Variants in RYR2 observed in about 807,000 individuals in gnomAD.
RYR2 encodes the protein cardiac muscle ryanodine receptor-calcium release channel.
RYR2 carries 227 observed loss-of-function variants against 601.1 expected under a neutral mutation model. That is an observed-to-expected ratio of 0.38 (90% CI 0.34 to 0.42). The LOEUF (loss-of-function observed/expected upper bound fraction) is 0.42. Ranked by LOEUF, RYR2 falls within the 10% of genes least tolerant of loss-of-function variation. The pLI, the probability that RYR2 is intolerant of heterozygous loss-of-function variation, is 1.00. For synonymous variants in RYR2, 2,223 were observed against 2,175.1 expected (o/e 1.02, Z -0.61); for missense variants, 4,646 against 6,156.5 (o/e 0.75, Z 8.21).
At position 237,785,971 on chromosome 1, in the gene RYR2, A is replaced by T. The variant is rs2149359876; in HGVS notation, c.13263A>T (p.Glu4421Asp). The change falls in exon 91 of 105, where the codon GAA becomes GAT. Residue 4421 changes from glutamate (E) to aspartate (D), a missense_variant and splice_region_variant. Transcript: ENST00000366574. ...TTTTCCCCATTGACTCATTCAAGGA[A>T]CAGAAGGCAAAAGAAGAAGAAAAGG... ...PMPEVQEKFQ[E>D]QKAKEEEKEE... The T allele has an allele frequency of 1.3e-6, 2 of 1,590,344 alleles. No individual in the cohort carries two copies. The highest frequency in any genetic ancestry group is 1.1e-5 in the South Asian group (1 of 87,562).
chr1:237,670,212 A>G (rs1684793239), intron 58 of RYR2, among the ~76,000 whole-genome samples: 2 of 150,776 alleles, frequency 1.3e-5, no homozygotes, highest in Non-Finnish European at 3.0e-5. Flanking sequence ...TCAGGCAGGG[A>G]GGTTGCAGTG....
At chr1:237,803,193 T>G (rs2790348) in intron 98 of RYR2, among the ~76,000 whole-genome samples, 105,082 of 152,088 alleles carry the variant, frequency 0.69, 36,462 homozygotes, top group South Asian at 0.86. Flanking sequence ...TCATTCAAAT[T>G]TTACTGTGCA....
intron 96 of RYR2, 103 bp downstream of exon 96, chr1:237,795,434 G>T: frequency 5.2e-6 from 3 of 581,418 alleles, no homozygotes; most frequent in Non-Finnish European, 5.9e-6. Flanking sequence ...TAATTTATCT[G>T]CCTATTAATG....
chr1:237,085,484 TGGA>T (rs1666221890), intron 1 of RYR2, among the ~76,000 whole-genome samples: 1 of 152,196 alleles, frequency 6.6e-6, no homozygotes, highest in African/African-American at 2.4e-5. Context: ...TCCTGGAAGC[TGGA>T]GGAGGAGAAG....
chr1:237,643,404 G>A lies in RYR2; in HGVS notation c.7299G>A (p.Val2433=), dbSNP rs758206834. Residue 2433 remains valine (V), a synonymous_variant, in exon 48 of 105, where the codon GTG becomes GTA. Transcript: ENST00000366574. ...CCCTCATTCCCCTGGGAGATTTGGT[G>A]GGCGTTATCAGCATCGCTTTTCAGA... ...LRSLIPLGDL[V]GVISIAFQMP... is the part of the protein sequence containing the mutation. 6.2e-7 allele frequency: 1 copy of A among 1,613,686 alleles called. No individual in the cohort carries two copies. The highest frequency in any genetic ancestry group is 8.5e-7 in the Non-Finnish European group (1 of 1,179,836).
intron 4 of RYR2, 60 bp downstream of exon 4, chr1:237,356,045 C>T: frequency 3.4e-6 from 5 of 1,481,218 alleles, no homozygotes; most frequent in Non-Finnish European, 4.7e-6. Context: ...CTTGCTCTCG[C>T]CTCTAATCTT....
At chr1:237,782,841 G>C (rs1231428094) in intron 89 of RYR2, among the ~76,000 whole-genome samples, 2 of 152,130 alleles carry the variant, frequency 1.3e-5, no homozygotes, top group Non-Finnish European at 2.9e-5. Context: ...TAAGAAATCT[G>C]CCCAGGTTGC....
rs5781983 is a variant in RYR2 at position 237,714,991 on chromosome 1, C to CAAAAAAAA, written c.10324-2182_10324-2175dup. On this transcript the variant is annotated intron_variant, in intron 71 of 104. Transcript: ENST00000366574. ...CTGGTGACAGAGCGAGACTCCATCT[C>CAAAAAAAA]AAAAAAAAAAAAAAAAAAAAAAAAA... 3.6e-4 allele frequency among the ~76,000 whole-genome samples: 16 copies of CAAAAAAAA among 44,452 alleles called. 1 individual carries two copies. The highest frequency in any genetic ancestry group is 9.0e-4 in the African/African-American group (15 of 16,620). 29.2% of individuals were successfully genotyped at this position (44,452 alleles called of 152,430 possible).
chr1:237,401,172 C>T (rs545520340), intron 10 of RYR2, among the ~76,000 whole-genome samples: 21 of 152,258 alleles, frequency 1.4e-4, no homozygotes, highest in African/African-American at 4.1e-4. Flanking sequence ...ACATATAAAA[C>T]TCAAATTGCC....
rs202090317 is a variant in RYR2, at chr1:237,368,799, GTTTATTTATTTATTTA to G, written c.310-708_310-693del. Among the ~76,000 whole-genome samples the G allele has an allele frequency of 2.6e-4, 34 of 129,226 alleles. 1 individual carries two copies. Among genetic ancestry groups the G allele is most frequent in the Non-Finnish European group, 4.3e-4 (25 of 57,494 alleles). 84.8% of individuals were successfully genotyped at this position (129,226 alleles called of 152,430 possible). On this transcript the variant is annotated intron_variant, in intron 5 of 104. Coordinates refer to ENST00000366574, the MANE Select transcript of RYR2 (RefSeq NM_001035.3). ...AGGAATACTCATTCGTTGAATCAAC[GTTTATTTATTTATTTA>G]TTTATTTATTTATTTATTTATTTAT...
At chr1:237,156,788 C>A (rs1480670545) in intron 1 of RYR2, among the ~76,000 whole-genome samples, 1 of 152,178 alleles carries the variant, frequency 6.6e-6, no homozygotes, top group African/African-American at 2.4e-5. Flanking sequence ...AGCTGTGTAA[C>A]CTTCAGTGAG....
At chr1:237,643,481 G>C in intron 48 of RYR2, 34 bp downstream of exon 48, 1 of 1,613,050 alleles carries the variant, frequency 6.2e-7, no homozygotes, top group Non-Finnish European at 8.5e-7. Flanking sequence ...TAATTCAGTA[G>C]GATGTTGGAT....
At chr1:237,660,367 G>C (rs1032346291) in intron 55 of RYR2, among the ~76,000 whole-genome samples, 47 of 151,582 alleles carry the variant, frequency 3.1e-4, no homozygotes, top group African/African-American at 1.1e-3. Context: ...TTCTTATCAT[G>C]CTTAAGAGTT....
intron 1 of RYR2, among the ~76,000 whole-genome samples, chr1:237,268,045 C>A (rs1689241824): frequency 6.6e-6 from 1 of 152,180 alleles, no homozygotes; most frequent in African/African-American, 2.4e-5. Context: ...TTCTCTTCTT[C>A]CGGGGCTTAC....
chr1:237,604,841 C>T (rs536845873), intron 35 of RYR2, among the ~76,000 whole-genome samples: 56 of 152,042 alleles, frequency 3.7e-4, no homozygotes, highest in Middle Eastern at 3.4e-3. Flanking sequence ...ATAAATTCCT[C>T]GACACATACA....
At chr1:237,584,079 G>A (rs749923875) in intron 29 of RYR2, among the ~76,000 whole-genome samples, 6 of 152,132 alleles carry the variant, frequency 3.9e-5, no homozygotes, top group Non-Finnish European at 7.3e-5. Flanking sequence ...TATATCATCA[G>A]GCTCTGTTAT....
chr1:237,785,146 A>G, intron 90 of RYR2, 174 bp downstream of exon 90: 1 of 626,556 alleles, frequency 1.6e-6, no homozygotes, highest in Non-Finnish European at 2.8e-6. Context: ...AGTCCTTATG[A>G]ATTATTAAAT....
chr1:237,515,779 T>TCC (rs1666422549), intron 24 of RYR2, among the ~76,000 whole-genome samples: 4 of 57,626 alleles, frequency 6.9e-5, no homozygotes, highest in East Asian at 5.0e-4. Flanking sequence ...CCTCTTCTCC[T>TCC]TCCCCTACTT....
chr1:237,062,051 A>G (rs1323318305), intron 1 of RYR2, among the ~76,000 whole-genome samples: 1 of 152,222 alleles, frequency 6.6e-6, no homozygotes, highest in Non-Finnish European at 1.5e-5. Flanking sequence ...GGCTGTAAGC[A>G]GGGATATCTA....
Sources: allele counts gnomAD v4.1 joint callset (sites outside exome capture counted in the v4.1 genomes callset), GRCh38; gene constraint gnomAD v4.1.1; transcripts MANE v1.5; gene names NCBI Gene and HGNC (gene_info 2026-07-23, HGNC 2026-07-21).